The following GAN variants were observed in gnomAD, a reference collection of about 807,000 sequenced individuals.
The protein encoded by GAN is epididymis secretory sperm binding protein.
A neutral mutation model predicts 71.3 loss-of-function variants in GAN; 48 were observed. The observed-to-expected ratio is 0.67, with a 90% CI of 0.53 to 0.86. GAN has a LOEUF of 0.86. Among genes scored for constraint, GAN ranks in the 40% least tolerant of loss-of-function variants. GAN has a pLI of 0.00. For missense variants in GAN, 928 were observed against 770.1 expected (o/e 1.21, Z -2.43); for synonymous variants, 386 against 276.8 (o/e 1.39, Z -3.92).
In GAN at chr16:81,377,688, C is replaced by G. The variant is rs185647169; in HGVS notation, c.*92C>G. 38 of 1,106,928 alleles carry G rather than the reference C, an allele frequency of 3.4e-5. No individual in the cohort carries two copies. In the African/African-American group the frequency reaches 4.4e-4, roughly 13 times the overall value. The allele number at this position is 1,106,928 out of a possible 1,614,324, so 68.6% of individuals were successfully genotyped here. A position where few individuals can be genotyped will look rare whatever the true frequency, so the allele number is the denominator to read the frequency against. ...GCAGAGATGGCAGCTGAAACTCACTCTGTGCTGGGCTTTGGTATGGTAACT... is the reference window on the plus strand; with the variant it reads ...GCAGAGATGGCAGCTGAAACTCACTGTGTGCTGGGCTTTGGTATGGTAACT... On this transcript the variant is annotated 3_prime_UTR_variant, in exon 11 of 11. Coordinates refer to ENST00000648994, the MANE Select transcript of GAN (RefSeq NM_022041.4).
At chr16:81,373,259 G>A (rs1394516368) in intron 9 of GAN, among the ~76,000 whole-genome samples, 1 of 152,162 alleles carries the variant, frequency 6.6e-6, no homozygotes, top group Non-Finnish European at 1.5e-5. Context: ...CTCCAGTGAG[G>A]GTAGGCCTGG....
intron 1 of GAN, among the ~76,000 whole-genome samples, chr16:81,350,007 T>C (rs910970860): frequency 6.6e-6 from 1 of 152,186 alleles, no homozygotes; most frequent in African/African-American, 2.4e-5. Flanking sequence ...TATCTAGATA[T>C]AAGTTCTTAA....
At chr16:81,317,817 C>G in intron 1 of GAN, among the ~76,000 whole-genome samples, 1 of 152,068 alleles carries the variant, frequency 6.6e-6, no homozygotes, top group East Asian at 1.9e-4. Context: ...CTTTTACATA[C>G]TGTGTCATTT....
rs1230864801 is a variant in GAN, at chr16:81,361,594, CAG to C, written c.974-904_974-903del. Among the ~76,000 whole-genome samples the C allele has an allele frequency of 3.9e-5, 6 of 152,356 alleles. No homozygotes were observed. The East Asian group carries it at 1.2e-3, about 29-fold the overall frequency. ...AATTTTCCTAGATTAGAAATGCCCT[CAG>C]TGTAAAATGGTTTTCATGCTTGATA... On this transcript the variant is annotated intron_variant, in intron 5 of 10. Transcript: ENST00000648994.
chr16:81,345,802 T>A (rs972715015), intron 1 of GAN, among the ~76,000 whole-genome samples: 1 of 152,186 alleles, frequency 6.6e-6, no homozygotes, highest in Non-Finnish European at 1.5e-5. Context: ...GTTTCCCCCA[T>A]CCTACCACTG....
chr16:81,368,362 A>G (rs948672063), intron 9 of GAN, among the ~76,000 whole-genome samples: 5 of 152,180 alleles, frequency 3.3e-5, no homozygotes, highest in African/African-American at 7.2e-5. Context: ...ACTCTGGGAG[A>G]CCCAGGTGGT....
intron 1 of GAN, among the ~76,000 whole-genome samples, chr16:81,324,759 G>C (rs1056547526): frequency 1.3e-5 from 2 of 152,200 alleles, no homozygotes; most frequent in Non-Finnish European, 2.9e-5. Flanking sequence ...TATCTTACGG[G>C]CTATGGATGG....
chr16:81,378,188 T>A lies in GAN; in HGVS notation c.*592T>A, dbSNP rs1345895. ...TTTTTAAAACTATATCATGATGAAT[T>A]GAAATGAAGATAAAATTGCTCTTTT... On this transcript the variant is annotated 3_prime_UTR_variant, in exon 11 of 11. Transcript: ENST00000648994. The A allele has an allele frequency of 0.6, 93,390 of 155,016 alleles. 28,279 individuals are homozygous for A. The highest frequency in any genetic ancestry group is 0.75 in the East Asian group (3,904 of 5,230). 9.6% of individuals were successfully genotyped at this position (155,016 alleles called of 1,614,324 possible).
chr16:81,318,518 T>TA (rs1278253336), intron 1 of GAN, among the ~76,000 whole-genome samples: 1 of 152,056 alleles, frequency 6.6e-6, no homozygotes, highest in African/African-American at 2.4e-5. Flanking sequence ...ATCATGTATA[T>TA]AAAAAATAGG....
At chr16:81,319,333 C>T (rs978852527) in intron 1 of GAN, among the ~76,000 whole-genome samples, 1 of 151,710 alleles carries the variant, frequency 6.6e-6, no homozygotes, top group Non-Finnish European at 1.5e-5. Context: ...CTCCCTGCGG[C>T]TTGCAGGAAA....
chr16:81,353,246 T>A (rs775254279), intron 2 of GAN, among the ~76,000 whole-genome samples: 3 of 146,176 alleles, frequency 2.1e-5, no homozygotes, highest in Non-Finnish European at 4.4e-5. Context: ...GAGCCGAGAT[T>A]GCGCCACTGC....
chr16:81,330,714 T>G (rs536479187), intron 1 of GAN, among the ~76,000 whole-genome samples: 1 of 152,252 alleles, frequency 6.6e-6, no homozygotes, highest in African/African-American at 2.4e-5. Flanking sequence ...AAGGTATTTA[T>G]GTATTCCCAA....
chr16:81,374,615 C>G (rs1454966433), intron 9 of GAN, among the ~76,000 whole-genome samples: 11 of 152,186 alleles, frequency 7.2e-5, no homozygotes. Flanking sequence ...AAATCCAGCA[C>G]CATCATTATT....
rs563099210 is a variant in GAN, at chr16:81,379,558, A to C, written c.*1962A>C. The C allele has an allele frequency of 4.6e-5, 7 of 152,242 alleles. No individual in the cohort carries two copies. In the East Asian group the frequency reaches 1.4e-3, roughly 29 times the overall value. The allele number at this position is 152,242 out of a possible 1,614,324, so 9.4% of individuals were successfully genotyped here. On this transcript the variant is annotated 3_prime_UTR_variant, in exon 11 of 11. Coordinates refer to ENST00000648994, the MANE Select transcript of GAN (RefSeq NM_022041.4). ...TGACAGTGTGGAGATCTTTTTAATG[A>C]AAGCAAACTATGTGGCCTCTGCAAA...
In GAN at chr16:81,377,517, C is replaced by T; in HGVS notation, c.1715C>T (p.Ala572Val). The T allele has an allele frequency of 6.2e-7, 1 of 1,614,138 alleles. No homozygotes were observed. Among genetic ancestry groups the T allele is most frequent in the Non-Finnish European group, 8.5e-7 (1 of 1,179,946 alleles). The change falls in exon 11 of 11, where the codon GCC becomes GTC. Residue 572 changes from alanine to valine, a missense_variant. Ala to Val is a moderately conservative substitution (Grantham distance 64). Transcript: ENST00000648994. ...PSDLRRTGCA[A>V]LRIANCKLFR... ...GACCTTCGCCGTACAGGATGTGCAG[C>T]CTTACGCATTGCGAATTGCAAGCTT... is the stretch of plus-strand genomic sequence containing the variant.
chr16:81,366,030 C>G (rs140045202), intron 9 of GAN, among the ~76,000 whole-genome samples: 1 of 152,218 alleles, frequency 6.6e-6, no homozygotes, highest in South Asian at 2.1e-4. Context: ...GTTCGTATTG[C>G]TGCTACTTGC....
chr16:81,376,151 A>G (rs567203032), intron 9 of GAN, among the ~76,000 whole-genome samples: 1 of 152,194 alleles, frequency 6.6e-6, no homozygotes, highest in Admixed American at 6.5e-5. Context: ...TTGGAGTGCA[A>G]AATTATGGCA....
intron 5 of GAN, among the ~76,000 whole-genome samples, chr16:81,359,128 A>T (rs145410190): frequency 6.6e-6 from 1 of 152,184 alleles, no homozygotes; most frequent in Admixed American, 6.5e-5. Context: ...GAAGAGCTGG[A>T]CAGAGTAGTA....
intron 8 of GAN, 97 bp downstream of exon 8, chr16:81,365,207 A>T: frequency 6.4e-7 from 1 of 1,563,888 alleles, no homozygotes; most frequent in African/African-American, 1.4e-5. Context: ...CTTTCAGAGT[A>T]ACCTTTTCTT....
Sources: allele counts gnomAD v4.1 joint callset (sites outside exome capture counted in the v4.1 genomes callset), GRCh38; gene constraint gnomAD v4.1.1; transcripts MANE v1.5; gene names NCBI Gene and HGNC (gene_info 2026-07-23, HGNC 2026-07-21).